Variants in SPON1 observed in about 807,000 individuals in gnomAD.
The protein encoded by SPON1 is spondin-1.
SPON1 carries 52 observed loss-of-function variants against 111.7 expected under a neutral mutation model. That is an observed-to-expected ratio of 0.47 (90% CI 0.37 to 0.59). The LOEUF is 0.59. Ranked by LOEUF, SPON1 falls within the 20% of genes least tolerant of loss-of-function variation. SPON1 has a pLI of 0.00. For missense variants in SPON1, 957 were observed against 1,068.5 expected (o/e 0.90, Z 1.46); for synonymous variants, 410 against 395.8 (o/e 1.04, Z -0.43).
intron 6 of SPON1, among the ~76,000 whole-genome samples, chr11:14,146,492 A>G (rs1847720335): frequency 6.6e-6 from 1 of 152,132 alleles, no homozygotes. Context: ...TGAACAAAGA[A>G]AACTTGGATA....
Position 14,135,423 on chromosome 11 carries a change from G to T in SPON1, c.680G>T (p.Arg227Leu), listed in dbSNP as rs782401616. 1 of 1,605,004 alleles carries T rather than the reference G, an allele frequency of 6.2e-7. No individual in the cohort carries two copies. The highest frequency in any genetic ancestry group is 1.1e-5 in the South Asian group (1 of 90,672). The stretch of plus-strand genomic sequence containing the variant: ...GCCTCCTGATTGGCTTTCCCAGGTC[G>T]GGCCAACCACTGGTCTGCGATCATC... Reference protein sequence around the residue: ...EKTHPKDYPRRANHWSAIIGG... With the variant: ...EKTHPKDYPRLANHWSAIIGG... Residue 227 changes from arginine (R) to leucine (L), a missense_variant, in exon 6 of 16, where the codon CGG (arginine) becomes CTG (leucine). Arg to Leu is a moderately radical substitution (Grantham distance 102). Transcript: ENST00000576479. The surrounding 1 kb of genome is among the most constrained non-coding windows in gnomAD (Gnocchi z 4.4).
At chr11:14,124,063 T>C (rs986201451) in intron 5 of SPON1, among the ~76,000 whole-genome samples, 2 of 152,178 alleles carry the variant, frequency 1.3e-5, no homozygotes, top group Admixed American at 6.5e-5. Flanking sequence ...GACTATCTTA[T>C]TCTCTTCTCT....
At chr11:14,103,627 G>A (rs1324608738) in intron 5 of SPON1, among the ~76,000 whole-genome samples, 1 of 152,206 alleles carries the variant, frequency 6.6e-6, no homozygotes, top group Non-Finnish European at 1.5e-5. Context: ...GTCTCTGTTA[G>A]TTCCTTGGAT....
At position 14,102,615 on chromosome 11, in the gene SPON1, T is replaced by A. The variant is rs536000217; in HGVS notation, c.676+22594T>A. 4.6e-5 allele frequency among the ~76,000 whole-genome samples: 7 copies of A among 152,298 alleles called. No homozygotes were observed. The East Asian group carries it at 1.3e-3, about 29-fold the overall frequency. ...TCCAGTCTAAGATTATATACTGCAT[T>A]TACTTGTCAGGTCTCTTTAGTCTTG... On this transcript the variant is annotated intron_variant, in intron 5 of 15. Coordinates refer to ENST00000576479, the MANE Select transcript of SPON1 (RefSeq NM_006108.4).
intron 6 of SPON1, among the ~76,000 whole-genome samples, chr11:14,203,079 G>A (rs1466898488): frequency 6.6e-6 from 1 of 152,194 alleles, no homozygotes; most frequent in Non-Finnish European, 1.5e-5. Context: ...GGCGCAAGAT[G>A]TCCTGATTTA....
At chr11:14,210,843 CATTT>C (rs1848567740) in intron 6 of SPON1, among the ~76,000 whole-genome samples, 1 of 152,162 alleles carries the variant, frequency 6.6e-6, no homozygotes, top group Non-Finnish European at 1.5e-5. Context: ...TTCCCAACAC[CATTT>C]ATTAAATAGG....
chr11:14,012,283 AC>A (rs1368425988), intron 2 of SPON1, among the ~76,000 whole-genome samples: 4 of 151,932 alleles, frequency 2.6e-5, no homozygotes, highest in African/African-American at 9.7e-5. Context: ...ACTGACAGAC[AC>A]CTCCCATCCT....
intron 2 of SPON1, among the ~76,000 whole-genome samples, chr11:14,036,497 G>A (rs1014571151): frequency 5.9e-5 from 9 of 152,272 alleles, no homozygotes; most frequent in South Asian, 2.1e-4. Context: ...GAGGAAAGAC[G>A]GTTAATGGTT....
intron 6 of SPON1, among the ~76,000 whole-genome samples, chr11:14,197,051 A>G (rs1554935156): frequency 2.6e-5 from 4 of 152,162 alleles, no homozygotes; most frequent in African/African-American, 9.7e-5. Flanking sequence ...CTCTGTCTCA[A>G]AAATAACTAA....
chr11:14,044,852 T>C lies in SPON1; in HGVS notation c.479+3198T>C, dbSNP rs551847101. On this transcript the variant is annotated intron_variant, in intron 3 of 15. Coordinates refer to ENST00000576479, the MANE Select transcript of SPON1 (RefSeq NM_006108.4). The stretch of plus-strand genomic sequence containing the variant: ...CACTAAATAAGATGTATTAGAGATA[T>C]GTCTGGGTCAGTACATACAAAGCTA... Among the ~76,000 whole-genome samples, 114 of 152,350 alleles carry C rather than the reference T, an allele frequency of 7.5e-4. 4 individuals are homozygous for C. The South Asian group carries it at 0.022, about 29-fold the overall frequency.
At chr11:14,061,366 A>G (rs930815210) in intron 3 of SPON1, among the ~76,000 whole-genome samples, 5 of 152,220 alleles carry the variant, frequency 3.3e-5, no homozygotes, top group African/African-American at 1.2e-4. Context: ...CTATGTATCT[A>G]TCATTCTATC....
chr11:13,982,774 A>G, intron 1 of SPON1, 73 bp from the exon 2 acceptor site: 5 of 1,026,302 alleles, frequency 4.9e-6, no homozygotes, highest in Non-Finnish European at 7.4e-6. Flanking sequence ...TGGAGAACTC[A>G]GGTCTATCCC....
intron 4 of SPON1, among the ~76,000 whole-genome samples, chr11:14,078,187 A>G (rs1467143881): frequency 6.6e-6 from 1 of 152,362 alleles, no homozygotes; most frequent in East Asian, 1.9e-4. Context: ...TTTATTTTTC[A>G]AATGGGAGCT....
rs537761842 is a variant in SPON1 at position 13,981,586 on chromosome 11, A to G, written c.239-1261A>G. Among the ~76,000 whole-genome samples the G allele has an allele frequency of 2.8e-4, 43 of 152,292 alleles. 1 individual carries two copies. The South Asian group carries it at 7.5e-3, about 26-fold the overall frequency. On this transcript the variant is annotated intron_variant, in intron 1 of 15. Transcript: ENST00000576479. ...TGTGATCCGCCCACCTCGGCCTCCTAAAGTGCTGGGATTACAGGCGTGAGC... is the reference window on the plus strand; with the variant it reads ...TGTGATCCGCCCACCTCGGCCTCCTGAAGTGCTGGGATTACAGGCGTGAGC...
chr11:13,969,310 G>A (rs149347215), intron 1 of SPON1, among the ~76,000 whole-genome samples: 2 of 152,116 alleles, frequency 1.3e-5, no homozygotes, highest in East Asian at 3.9e-4. Context: ...CTCTTGAGCT[G>A]GAGAAGTTGA....
intron 15 of SPON1, 146 bp downstream of exon 15, chr11:14,263,121 T>A: frequency 6.0e-6 from 5 of 832,076 alleles, no homozygotes; most frequent in Non-Finnish European, 9.0e-6. Context: ...CACATTTTGA[T>A]TCTTTAGATC....
intron 3 of SPON1, among the ~76,000 whole-genome samples, chr11:14,047,591 T>C (rs1422391897): frequency 6.6e-6 from 1 of 151,728 alleles, no homozygotes; most frequent in African/African-American, 2.4e-5. Context: ...ATGGTAAGAG[T>C]TCAGAGAGGA....
rs1848630293 is a variant in SPON1, at chr11:14,041,407, T to A, written c.346-114T>A. The A allele has an allele frequency of 2.4e-6, 3 of 1,267,654 alleles. No individual in the cohort carries two copies. In the East Asian group the frequency reaches 7.0e-5, roughly 30 times the overall value. The allele number at this position is 1,267,654 out of a possible 1,614,324, so 78.5% of individuals were successfully genotyped here. Reference sequence around the variant, plus strand: ...ATTCTGGTGCCTGGGGATACAGAGTTGCTAACATAAAATGATAAGTTTAAA... The same window carrying A: ...ATTCTGGTGCCTGGGGATACAGAGTAGCTAACATAAAATGATAAGTTTAAA... On this transcript the variant is annotated intron_variant, in intron 2 of 15. Transcript: ENST00000576479.
At chr11:14,198,831 A>G (rs1347440141) in intron 6 of SPON1, among the ~76,000 whole-genome samples, 7 of 152,184 alleles carry the variant, frequency 4.6e-5, no homozygotes, top group Admixed American at 3.3e-4. Flanking sequence ...TACTTGCTAC[A>G]TTTGCTTTTT....
Sources: gnomAD v4.1 joint callset for allele counts (sites outside exome capture counted in the v4.1 genomes callset) on GRCh38, gnomAD v4.1.1 for gene constraint, Gnocchi (gnomAD v3.1) non-coding constraint, MANE v1.5 for transcripts, NCBI Gene and HGNC (gene_info 2026-07-23, HGNC 2026-07-21) for gene names.